The following SNX25 variants were observed in gnomAD, a reference collection of about 807,000 sequenced individuals.
SNX25 encodes the protein sorting nexin-25.
In SNX25, 62 loss-of-function variants were observed where a neutral mutation model predicts 113.7. That is an observed-to-expected ratio of 0.55 (90% CI 0.44 to 0.67). SNX25 has a LOEUF of 0.67. Ranked by LOEUF, SNX25 falls within the 30% of genes least tolerant of loss-of-function variation. SNX25 has a pLI of 0.00. For missense variants in SNX25, 1,014 were observed against 1,161.0 expected (o/e 0.87, Z 1.84); for synonymous variants, 421 against 436.2 (o/e 0.97, Z 0.43).
intron 9 of SNX25, among the ~76,000 whole-genome samples, chr4:185,329,804 A>T (rs1347843452): frequency 2.0e-5 from 3 of 152,106 alleles, no homozygotes; most frequent in Non-Finnish European, 4.4e-5. Context: ...TTAAGAACCC[A>T]CCTGTGAGTA....
downstream of SNX25, chr4:185,370,856 A>G (rs1472423824): frequency 1.9e-6 from 3 of 1,603,870 alleles, no homozygotes; most frequent in South Asian, 1.1e-5. Flanking sequence ...GACATCAGTT[A>G]TGGTAAGTGT....
chr4:185,336,268 A>G (rs988249459), intron 10 of SNX25, among the ~76,000 whole-genome samples: 13 of 152,166 alleles, frequency 8.5e-5, no homozygotes, highest in Non-Finnish European at 1.6e-4. Context: ...TGGTATACCT[A>G]TCACCCAAGC....
intron 3 of SNX25, among the ~76,000 whole-genome samples, chr4:185,261,112 C>CTCTGTGTGTGTGTGTG (rs1560945024): frequency 5.2e-5 from 6 of 114,614 alleles, no homozygotes; most frequent in African/African-American, 1.9e-4. Flanking sequence ...GTCTGTCTGT[C>CTCTGTGTGTGTGTGTG]TCTGTGTGTG....
intron 5 of SNX25, among the ~76,000 whole-genome samples, chr4:185,271,829 AC>A (rs1398801572): frequency 9.2e-5 from 14 of 152,270 alleles, no homozygotes; most frequent in Admixed American, 4.6e-4. Flanking sequence ...CTAAAAACAA[AC>A]ACAAAAAACC....
At chr4:185,354,500 A>G (rs2095330463) in intron 15 of SNX25, among the ~76,000 whole-genome samples, 1 of 152,178 alleles carries the variant, frequency 6.6e-6, no homozygotes, top group Non-Finnish European at 1.5e-5. Context: ...TAAACATTCT[A>G]CTGTGCTCAG....
intron 1 of SNX25, among the ~76,000 whole-genome samples, chr4:185,218,444 G>C (rs996832218): frequency 6.6e-6 from 1 of 152,196 alleles, no homozygotes; most frequent in Admixed American, 6.5e-5. Flanking sequence ...AGGTTTGCAT[G>C]TATGTTGGTG....
downstream of SNX25, chr4:185,374,234 C>T: frequency 6.2e-7 from 1 of 1,614,152 alleles, no homozygotes. Context: ...CTGCGATAAG[C>T]CACAGTCTAC....
exon 12 of SNX25, chr4:185,369,909 AG>A (rs1215996291): frequency 6.4e-6 from 2 of 312,954 alleles, no homozygotes; most frequent in Non-Finnish European, 1.3e-5. Context: ...CAAGGGACTC[AG>A]AAGACTCCCC....
At chr4:185,249,003 G>A (rs1745251676) in intron 2 of SNX25, among the ~76,000 whole-genome samples, 1 of 152,044 alleles carries the variant, frequency 6.6e-6, no homozygotes. Context: ...GTTACTTTTG[G>A]GTGGGTGGTA....
intron 17 of SNX25, 127 bp from the exon 18 acceptor site, chr4:185,362,484 A>G (rs2079150199): frequency 1.7e-6 from 2 of 1,183,850 alleles, no homozygotes; most frequent in Non-Finnish European, 2.3e-6. Context: ...AGAACTGACC[A>G]TTCATGTTTC....
chr4:185,239,220 A>G (rs139071006), intron 1 of SNX25, among the ~76,000 whole-genome samples: 5,169 of 151,698 alleles, frequency 0.034, 127 homozygotes, highest in East Asian at 0.046. Context: ...GGTGGCTCAC[A>G]CCTGTAATCC....
chr4:185,378,430 A>T, the SNX25 span: 1 of 1,327,158 alleles, frequency 7.5e-7, no homozygotes, highest in Non-Finnish European at 9.6e-7. Flanking sequence ...TTTCCACAGC[A>T]TCGCATTCAC....
At chr4:185,376,869 G>C in the SNX25 span, 1 of 1,440,724 alleles carries the variant, frequency 6.9e-7, no homozygotes, top group Non-Finnish European at 9.7e-7. Context: ...TCTAACAACA[G>C]AATTACAGGA....
At position 185,334,137 on chromosome 4, in the gene SNX25, G is replaced by A. The variant is rs1012723751; in HGVS notation, c.1914+1378G>A. On this transcript the variant is annotated intron_variant, in intron 10 of 18. Coordinates refer to ENST00000652585, the MANE Select transcript of SNX25 (RefSeq NM_001378034.2). The surrounding 1 kb of genome is among the most constrained non-coding windows in gnomAD (Gnocchi z 4.2). ...GTGGATCACTTGAGGTCAGGAGCTC[G>A]AGGCCAGCCTGGCCAACATGATGAA... 1.3e-5 allele frequency among the ~76,000 whole-genome samples: 2 copies of A among 151,774 alleles called. No individual in the cohort carries two copies. Among genetic ancestry groups the A allele is most frequent in the African/African-American group, 2.4e-5 (1 of 41,300 alleles).
At chr4:185,308,073 C>G (rs145165164) in intron 6 of SNX25, among the ~76,000 whole-genome samples, 2 of 152,326 alleles carry the variant, frequency 1.3e-5, no homozygotes, top group East Asian at 3.9e-4. Flanking sequence ...CCTCTCTTTA[C>G]TTTTAACTGA....
upstream of SNX25, among the ~76,000 whole-genome samples, chr4:185,205,618 C>CAGG (rs1226748724): frequency 1.5e-4 from 23 of 152,268 alleles, no homozygotes; most frequent in African/African-American, 5.3e-4. Context: ...CACCTGAGGT[C>CAGG]AGGAGTTCCA....
intron 6 of SNX25, among the ~76,000 whole-genome samples, chr4:185,307,062 G>C (rs2126656317): frequency 6.6e-6 from 1 of 152,290 alleles, no homozygotes; most frequent in Admixed American, 6.5e-5. Context: ...TTGACCTGAG[G>C]CCTGCCTGTG....
intron 7 of SNX25, among the ~76,000 whole-genome samples, chr4:185,312,394 G>A (rs2095037799): frequency 6.6e-6 from 1 of 152,172 alleles, no homozygotes; most frequent in Admixed American, 6.5e-5. Context: ...TTGTGGTACA[G>A]GAAGATCTCA....
chr4:185,283,155 C>A (rs776897230), intron 5 of SNX25, among the ~76,000 whole-genome samples: 8 of 152,156 alleles, frequency 5.3e-5, no homozygotes, highest in Non-Finnish European at 1.2e-4. Flanking sequence ...GATTCCACCC[C>A]CTGCTGTCAA....
Sources: gnomAD v4.1 joint callset for allele counts (sites outside exome capture counted in the v4.1 genomes callset) on GRCh38, gnomAD v4.1.1 for gene constraint, Gnocchi (gnomAD v3.1) non-coding constraint, MANE v1.5 for transcripts, NCBI Gene and HGNC (gene_info 2026-07-23, HGNC 2026-07-21) for gene names.